The following UTS2B variants were observed in gnomAD, a reference collection of about 807,000 sequenced individuals.
The protein encoded by UTS2B is urotensin 2B, also known as urotensin-2B.
In UTS2B, 21 loss-of-function variants were observed where a neutral mutation model predicts 19.2. The ratio of observed to expected loss-of-function variants is 1.09; its 90% CI spans 0.78 to 1.58. The LOEUF (loss-of-function observed/expected upper bound fraction) is 1.58. UTS2B is among the 40% of genes most tolerant of loss of function. UTS2B has a pLI of 0.00. For synonymous variants in UTS2B, 57 were observed against 50.2 expected, an observed-to-expected ratio of 1.14 and a Z score of -0.58; for missense variants, 138 against 130.3, an observed-to-expected ratio of 1.06 and a Z score of -0.29.
intron 4 of UTS2B, among the ~76,000 whole-genome samples, chr3:191,283,262 G>A (rs917174248): frequency 6.6e-6 from 1 of 152,058 alleles, no homozygotes; most frequent in African/African-American, 2.4e-5. Flanking sequence ...AGCCACATTA[G>A]ACTACTAATT....
rs954118073 is a variant in UTS2B, at chr3:191,267,926, C to G, written c.*490G>C. The stretch of plus-strand genomic sequence containing the variant: ...GTAACAAAAGCTGGTTACAAACAAT[C>G]CATGGAAACAGGACATGAAGCTAGA... On this transcript the variant is annotated 3_prime_UTR_variant, in exon 9 of 9. Transcript: ENST00000340524. The G allele has an allele frequency of 6.6e-6, 1 of 152,148 alleles. No homozygotes were observed. Among genetic ancestry groups the G allele is most frequent in the Non-Finnish European group, 1.5e-5 (1 of 68,036 alleles). 9.4% of individuals were successfully genotyped at this position (152,148 alleles called of 1,614,324 possible).
At chr3:191,338,706 C>A in the UTS2B span, among the ~76,000 whole-genome samples, 1 of 152,172 alleles carries the variant, frequency 6.6e-6, no homozygotes, top group African/African-American at 2.4e-5. Flanking sequence ...TAGAGCTAAT[C>A]TTTGAAAGAT....
At chr3:191,329,198 G>A (rs1246407640) in intron 1 of UTS2B, 1 of 157,386 alleles carries the variant, frequency 6.4e-6, no homozygotes, top group Non-Finnish European at 1.4e-5. Flanking sequence ...GCCCGGGGGC[G>A]GGAGCACAGC....
At chr3:191,287,673 C>G (rs750986542) in intron 4 of UTS2B, among the ~76,000 whole-genome samples, 1 of 151,896 alleles carries the variant, frequency 6.6e-6, no homozygotes, top group Non-Finnish European at 1.5e-5. Flanking sequence ...AAAGTTGAAA[C>G]CTTTCCTTCT....
At chr3:191,278,251 A>C (rs1716292562) in intron 5 of UTS2B, 81 bp from the exon 6 acceptor site, 1 of 694,572 alleles carries the variant, frequency 1.4e-6, no homozygotes, top group East Asian at 3.0e-5. Flanking sequence ...GGCTACTATC[A>C]ATTTGTATAT....
At chr3:191,269,827 T>C (rs1716038749) in intron 8 of UTS2B, among the ~76,000 whole-genome samples, 1 of 152,232 alleles carries the variant, frequency 6.6e-6, no homozygotes, top group Admixed American at 6.5e-5. Flanking sequence ...CAATGGAATA[T>C]AGTTTGGAGA....
chr3:191,294,433 C>T (rs907934661), intron 4 of UTS2B: 2 of 151,784 alleles, frequency 1.3e-5, no homozygotes, highest in African/African-American at 4.9e-5. Flanking sequence ...CAGCAGGAAA[C>T]CAGACTCTCA....
At chr3:191,296,129 T>C (rs1313151725) in intron 4 of UTS2B, among the ~76,000 whole-genome samples, 1 of 152,212 alleles carries the variant, frequency 6.6e-6, no homozygotes, top group African/African-American at 2.4e-5. Context: ...ATCTCATCTG[T>C]ATCTGTCTTC....
chr3:191,287,527 A>G (rs1402464616), intron 4 of UTS2B, among the ~76,000 whole-genome samples: 3 of 152,134 alleles, frequency 2.0e-5, no homozygotes, highest in African/African-American at 7.2e-5. Context: ...CAGATGCAGA[A>G]AAAACATGAT....
rs541924744 is a variant in UTS2B, at chr3:191,285,650, T to G, written c.-124-3337A>C. Among the ~76,000 whole-genome samples, 12 of 152,074 alleles carry G rather than the reference T, an allele frequency of 7.9e-5. No individual in the cohort carries two copies. The South Asian group carries it at 2.5e-3, about 32-fold the overall frequency. On this transcript the variant is annotated intron_variant, in intron 4 of 8. Coordinates refer to ENST00000340524, the MANE Select transcript of UTS2B (RefSeq NM_198152.5). ...GGCTCGGTGGCTTACGCCTGTAATC[T>G]CAGCACTTTGGGAGGCTGAGGTGGG...
chr3:191,309,145 A>C (rs540080204), intron 3 of UTS2B, among the ~76,000 whole-genome samples: 1 of 152,234 alleles, frequency 6.6e-6, no homozygotes, highest in African/African-American at 2.4e-5. Context: ...TCTTGTGGGC[A>C]CAGGGACTGG....
chr3:191,305,603 T>C (rs1020903583), intron 3 of UTS2B, among the ~76,000 whole-genome samples: 11 of 152,170 alleles, frequency 7.2e-5, no homozygotes, highest in African/African-American at 2.2e-4. Context: ...TTTCTCCCAT[T>C]ATGTAGGTTA....
chr3:191,314,997 T>G (rs1717407008), intron 3 of UTS2B, among the ~76,000 whole-genome samples: 1 of 151,930 alleles, frequency 6.6e-6, no homozygotes, highest in Non-Finnish European at 1.5e-5. Flanking sequence ...CCCTGAGTTC[T>G]GCGTGCCACC....
chr3:191,280,927 G>C (rs973966614), intron 5 of UTS2B, among the ~76,000 whole-genome samples: 2 of 152,090 alleles, frequency 1.3e-5, no homozygotes, highest in African/African-American at 4.8e-5. Flanking sequence ...TGAGTGTCAT[G>C]GATAAAATCC....
At position 191,294,282 on chromosome 3, in the gene UTS2B, T is replaced by C. The variant is rs902953281; in HGVS notation, c.-125+10210A>G. Among the ~76,000 whole-genome samples, 39 of 151,964 alleles carry C rather than the reference T, an allele frequency of 2.6e-4. 2 individuals carry two copies. The highest frequency in any genetic ancestry group is 9.8e-4 in the Admixed American group (15 of 15,286). On this transcript the variant is annotated intron_variant, in intron 4 of 8. Transcript: ENST00000340524. The stretch of plus-strand genomic sequence containing the variant: ...CTAAGGGGAAACCACTGAGCAAGGA[T>C]TCAACTGAAATATAAAGGCCCTGGT...
chr3:191,294,396 A>C (rs1356779596), intron 4 of UTS2B, among the ~76,000 whole-genome samples: 1 of 151,790 alleles, frequency 6.6e-6, no homozygotes, highest in Non-Finnish European at 1.5e-5. Context: ...AAGAAAAAAA[A>C]CTCTCTAAGC....
Position 191,273,495 on chromosome 3 carries a change from A to G in UTS2B, c.334+1757T>C, listed in dbSNP as rs1019360527. 3 of 456,580 alleles carry G rather than the reference A, an allele frequency of 6.6e-6. No homozygotes were observed. The Admixed American group carries it at 7.0e-5, about 11-fold the overall frequency. The allele number at this position is 456,580 out of a possible 1,614,324, so 28.3% of individuals were successfully genotyped here. ...CTGAGGCAATTGAAAGCTGGGATGTATCCTTTATCCTCTTCTGTTTTGGCA... is the reference window on the plus strand; with the variant it reads ...CTGAGGCAATTGAAAGCTGGGATGTGTCCTTTATCCTCTTCTGTTTTGGCA... On this transcript the variant is annotated intron_variant, in intron 8 of 8. Transcript: ENST00000340524.
At chr3:191,345,782 G>T in the UTS2B span, among the ~76,000 whole-genome samples, 3 of 152,194 alleles carry the variant, frequency 2.0e-5, no homozygotes, top group Admixed American at 2.0e-4. Context: ...AATTACGTGA[G>T]AATGAAATGT....
At chr3:191,291,879 A>T (rs1489966503) in intron 4 of UTS2B, among the ~76,000 whole-genome samples, 1 of 152,116 alleles carries the variant, frequency 6.6e-6, no homozygotes. Context: ...TCTTTCCCCC[A>T]TGAATGGTCT....
Sources: gnomAD v4.1 joint callset for allele counts (sites outside exome capture counted in the v4.1 genomes callset) on GRCh38, gnomAD v4.1.1 for gene constraint, MANE v1.5 for transcripts, NCBI Gene and HGNC (gene_info 2026-07-23, HGNC 2026-07-21) for gene names.